Variants in THNSL1 observed in about 807,000 individuals in gnomAD.
THNSL1 encodes threonine synthase like 1.
A neutral mutation model predicts 50.4 loss-of-function variants in THNSL1; 48 were observed. That is an observed-to-expected ratio of 0.95 (90% CI 0.76 to 1.21). THNSL1 has a LOEUF of 1.21. THNSL1 is among the 50% of genes most tolerant of loss of function. THNSL1 has a pLI of 0.00. For synonymous variants in THNSL1, 309 were observed against 306.1 expected, an observed-to-expected ratio of 1.01 and a Z score of -0.10; for missense variants, 896 against 871.7, an observed-to-expected ratio of 1.03 and a Z score of -0.35.
chr10:24,955,561 G>C, the THNSL1 span, among the ~76,000 whole-genome samples: 1 of 152,140 alleles, frequency 6.6e-6, no homozygotes, highest in Admixed American at 6.5e-5. Flanking sequence ...CTATAAAACT[G>C]TAAGATATTA....
the THNSL1 span, among the ~76,000 whole-genome samples, chr10:24,992,188 A>G: frequency 1.3e-5 from 2 of 152,248 alleles, no homozygotes; most frequent in Non-Finnish European, 2.9e-5. Context: ...ACTAGTGAAT[A>G]AAAAAGGCAA....
the THNSL1 span, among the ~76,000 whole-genome samples, chr10:24,955,975 A>G: frequency 6.6e-6 from 1 of 151,986 alleles, no homozygotes; most frequent in African/African-American, 2.4e-5. Flanking sequence ...ATAATAATAA[A>G]AGATTGACGT....
the THNSL1 span, among the ~76,000 whole-genome samples, chr10:24,981,549 T>C: frequency 1.1e-4 from 17 of 152,164 alleles, no homozygotes; most frequent in Non-Finnish European, 1.6e-4. Context: ...GGAAATTCTA[T>C]TGATGGTATG....
the THNSL1 span, chr10:24,999,429 T>A: frequency 1.9e-6 from 3 of 1,611,274 alleles, no homozygotes; most frequent in Non-Finnish European, 1.7e-6. Context: ...CCTTTGAATG[T>A]TTCTTTAGGA....
chr10:25,020,795 A>G (rs886432366), intron 1 of THNSL1, among the ~76,000 whole-genome samples: 2 of 152,078 alleles, frequency 1.3e-5, no homozygotes, highest in African/African-American at 4.8e-5. Flanking sequence ...ATTATATACA[A>G]TTATTACTAA....
At chr10:24,967,008 T>C in the THNSL1 span, among the ~76,000 whole-genome samples, 1 of 152,190 alleles carries the variant, frequency 6.6e-6, no homozygotes, top group Non-Finnish European at 1.5e-5. Flanking sequence ...ATTTATTTTT[T>C]TTTTTACCTA....
At chr10:25,004,451 C>T in the THNSL1 span, among the ~76,000 whole-genome samples, 3 of 152,068 alleles carry the variant, frequency 2.0e-5, no homozygotes, top group African/African-American at 4.8e-5. Flanking sequence ...TGAATAATGG[C>T]CATTCTGATT....
chr10:25,008,226 C>T, the THNSL1 span, among the ~76,000 whole-genome samples: 1 of 151,980 alleles, frequency 6.6e-6, no homozygotes, highest in Admixed American at 6.6e-5. Context: ...GGAATTTTAG[C>T]ATAAAATGTC....
the THNSL1 span, among the ~76,000 whole-genome samples, chr10:24,976,514 A>G: frequency 6.6e-6 from 1 of 151,518 alleles, no homozygotes; most frequent in Non-Finnish European, 1.5e-5. Flanking sequence ...TTTGAGACTG[A>G]GTTTCATTCT....
upstream of THNSL1, among the ~76,000 whole-genome samples, chr10:25,015,188 C>A (rs1850538178): frequency 6.6e-6 from 1 of 152,186 alleles, no homozygotes; most frequent in Non-Finnish European, 1.5e-5. Flanking sequence ...GCTTCCTTTG[C>A]ACGTTTTTGA....
At chr10:24,988,664 GTATATATATATATA>G in the THNSL1 span, among the ~76,000 whole-genome samples, 154 of 98,730 alleles carry the variant, frequency 1.6e-3, no homozygotes, top group Non-Finnish European at 2.0e-3. Context: ...CACAGCATAT[GTATATATATATATA>G]TATATATATA....
the THNSL1 span, among the ~76,000 whole-genome samples, chr10:24,955,059 A>G: frequency 6.2e-4 from 95 of 152,332 alleles, 2 homozygotes; most frequent in East Asian, 0.015. Context: ...TGCAGGCTGT[A>G]CAGAAAGCAA....
chr10:24,974,423 T>C, the THNSL1 span, among the ~76,000 whole-genome samples: 1 of 152,216 alleles, frequency 6.6e-6, no homozygotes, highest in Admixed American at 6.5e-5. Flanking sequence ...CACTATACTT[T>C]AATTGTATTT....
Position 25,023,315 on chromosome 10 carries a change from G to A in THNSL1, c.92G>A (p.Arg31Gln), listed in dbSNP as rs757286871. Residue 31 changes from arginine to glutamine, a missense_variant, in exon 3 of 3, where the codon CGA becomes CAA. By Grantham distance (43) the Arg-to-Gln change is conservative. Coordinates refer to ENST00000376356, the MANE Select transcript of THNSL1 (RefSeq NM_024838.5). ...GTTAAAACGGATAAACATGCACAGC[G>A]ATTTCTTTCAAGAACCTTTGCACTT... ...IHVKTDKHAQ[R>Q]FLSRTFALAE... 1.1e-5 allele frequency: 17 copies of A among 1,614,102 alleles called. No individual in the cohort carries two copies. The highest frequency in any genetic ancestry group is 2.2e-5 in the East Asian group (1 of 44,866).
the THNSL1 span, chr10:24,990,657 T>G: frequency 6.5e-7 from 1 of 1,540,126 alleles, no homozygotes; most frequent in African/African-American, 1.4e-5. Flanking sequence ...GTATGCAATC[T>G]TACATATGGG....
the THNSL1 span, among the ~76,000 whole-genome samples, chr10:25,009,697 C>T: frequency 6.6e-6 from 1 of 152,074 alleles, no homozygotes; most frequent in Non-Finnish European, 1.5e-5. Flanking sequence ...GGGAGGGACC[C>T]AGTGGGAGGT....
the THNSL1 span, among the ~76,000 whole-genome samples, chr10:24,979,897 C>A: frequency 6.6e-6 from 1 of 152,206 alleles, no homozygotes; most frequent in Non-Finnish European, 1.5e-5. Context: ...CTCCCCACTG[C>A]CTGGCTGCTC....
chr10:25,001,851 T>G, the THNSL1 span, among the ~76,000 whole-genome samples: 1 of 152,218 alleles, frequency 6.6e-6, no homozygotes, highest in African/African-American at 2.4e-5. Context: ...GTGTCTGTCT[T>G]TACTATGTTT....
At chr10:24,977,888 T>G in the THNSL1 span, among the ~76,000 whole-genome samples, 1 of 152,194 alleles carries the variant, frequency 6.6e-6, no homozygotes, top group Non-Finnish European at 1.5e-5. Context: ...TCCAAAAGAA[T>G]TCCACAGATG....
Sources: allele counts gnomAD v4.1 joint callset (sites outside exome capture counted in the v4.1 genomes callset), GRCh38; gene constraint gnomAD v4.1.1; transcripts MANE v1.5; gene names NCBI Gene and HGNC (gene_info 2026-07-23, HGNC 2026-07-21).